The following IL10RA variants were observed in gnomAD, a reference collection of about 807,000 sequenced individuals.
IL10RA encodes the protein interleukin-10 receptor subunit alpha.
Under a neutral mutation model 29.6 loss-of-function variants are expected in IL10RA, and 18 were observed. The observed-to-expected ratio is 0.61, with a 90% CI of 0.42 to 0.90. The LOEUF (loss-of-function observed/expected upper bound fraction) is 0.90, where lower values mean the gene tolerates loss of function less well. Among genes scored for constraint, IL10RA ranks in the 40% least tolerant of loss-of-function variants. The pLI, the probability that IL10RA is intolerant of heterozygous loss-of-function variation, is 0.00. For synonymous variants in IL10RA, 292 were observed against 294.1 expected (o/e 0.99, Z 0.07); for missense variants, 634 against 716.6 (o/e 0.88, Z 1.32).
At chr11:117,987,468 A>AAC (rs774271205) in intron 1 of IL10RA, 41 of 155,886 alleles carry the variant, frequency 2.6e-4, no homozygotes, top group Admixed American at 5.0e-4. Context: ...GAGAAGTTAG[A>AAC]ACACTAGGGA....
At chr11:117,994,778 A>G (rs920269777) in intron 5 of IL10RA, among the ~76,000 whole-genome samples, 1 of 152,192 alleles carries the variant, frequency 6.6e-6, no homozygotes, top group African/African-American at 2.4e-5. Context: ...CCAATGAAAC[A>G]TGCCAACAGT....
At position 117,988,515 on chromosome 11, in the gene IL10RA, G is replaced by A. The variant is rs2058002507; in HGVS notation, c.188+13G>A. 1.2e-6 allele frequency: 2 copies of A among 1,613,962 alleles called. No homozygotes were observed. The highest frequency in any genetic ancestry group is 4.5e-5 in the East Asian group (2 of 44,878). ...TGGCGCTCCTGAGGTGAGGAAAAGG[G>A]AAGAGGGAGGGGGAGGGAGGAGTGA... On this transcript the variant is annotated intron_variant, in intron 2 of 6. Transcript: ENST00000227752.
intron 5 of IL10RA, chr11:117,994,864 C>T: frequency 6.4e-6 from 1 of 155,220 alleles, no homozygotes; most frequent in East Asian, 1.9e-4. Flanking sequence ...AGATCTGCAA[C>T]AAATTTCAGT....
chr11:117,988,668 A>AATGTGCC (rs1026046316), intron 2 of IL10RA, among the ~76,000 whole-genome samples, 166 bp downstream of exon 2: 1 of 152,146 alleles, frequency 6.6e-6, no homozygotes, highest in African/African-American at 2.4e-5. Context: ...CTTGCTGAGC[A>AATGTGCC]ATGTGCCGGG....
At position 117,999,516 on chromosome 11, in the gene IL10RA, G is replaced by A. The variant is rs983647239; in HGVS notation, c.1612G>A (p.Asp538Asn). The part of the protein sequence containing the change: ...LSSCSDLGIS[D>N]WSFAHDLAPL... ...CAGCTGCAGTGACCTGGGAATATCTGACTGGAGCTTTGCCCATGACCTTGC... is the reference window on the plus strand; with the variant it reads ...CAGCTGCAGTGACCTGGGAATATCTAACTGGAGCTTTGCCCATGACCTTGC... Residue 538 changes from aspartate to asparagine, a missense_variant, in exon 7 of 7, where the codon GAC becomes AAC. Transcript: ENST00000227752. 8 of 1,614,216 alleles carry A rather than the reference G, an allele frequency of 5.0e-6. No individual in the cohort carries two copies. Among genetic ancestry groups the A allele is most frequent in the Non-Finnish European group, 6.8e-6 (8 of 1,180,048 alleles).
rs949618924 is a variant in IL10RA at position 118,000,865 on chromosome 11, C to T, written c.*1224C>T. Reference sequence around the variant, plus strand: ...GGGAGTCCATGGTGTCATGCCAAGACAGTATCAGACACAGCCCCAGAAGGG... The same window carrying T: ...GGGAGTCCATGGTGTCATGCCAAGATAGTATCAGACACAGCCCCAGAAGGG... On this transcript the variant is annotated 3_prime_UTR_variant, in exon 7 of 7. Transcript: ENST00000227752. The T allele has an allele frequency of 4.8e-5, 22 of 454,152 alleles. No individual in the cohort carries two copies. Among genetic ancestry groups the T allele is most frequent in the Non-Finnish European group, 9.3e-5 (21 of 226,802 alleles). The allele number at this position is 454,152 out of a possible 1,614,324, so 28.1% of individuals were successfully genotyped here.
chr11:117,995,860 G>A, intron 6 of IL10RA, 150 bp downstream of exon 6: 1 of 848,252 alleles, frequency 1.2e-6, no homozygotes, highest in Non-Finnish European at 1.9e-6. Context: ...CCTTCATCAA[G>A]CGCTGTGGGG....
rs2058087362 is a variant in IL10RA, at chr11:118,000,328, T to C, written c.*687T>C. 6.6e-6 allele frequency: 3 copies of C among 454,164 alleles called. No individual in the cohort carries two copies. Among genetic ancestry groups the C allele is most frequent in the Non-Finnish European group, 1.3e-5 (3 of 226,768 alleles). 28.1% of individuals were successfully genotyped at this position (454,164 alleles called of 1,614,324 possible). Reference sequence around the variant, plus strand: ...GCTCAGAACCCATCCCTCTGGTGGGTACCTCTGGCACCCATCTGCAAATAT... The same window carrying C: ...GCTCAGAACCCATCCCTCTGGTGGGCACCTCTGGCACCCATCTGCAAATAT... On this transcript the variant is annotated 3_prime_UTR_variant, in exon 7 of 7. Coordinates refer to ENST00000227752, the MANE Select transcript of IL10RA (RefSeq NM_001558.4).
In IL10RA at chr11:117,989,371, T is replaced by C. The variant is rs182954496; in HGVS notation, c.189-71T>C. Reference sequence around the variant, plus strand: ...ATGTGGGAGCTCTCTTCCTGGCCTCTTGCGTCTCCCTTAAAGGAGGTAGGA... The same window carrying C: ...ATGTGGGAGCTCTCTTCCTGGCCTCCTGCGTCTCCCTTAAAGGAGGTAGGA... On this transcript the variant is annotated intron_variant, in intron 2 of 6. Coordinates refer to ENST00000227752, the MANE Select transcript of IL10RA (RefSeq NM_001558.4). The surrounding 1 kb of genome is among the most constrained non-coding windows in gnomAD (Gnocchi z 4.5). The C allele has an allele frequency of 2.6e-4, 362 of 1,407,638 alleles. 3 individuals are homozygous for C. The East Asian group carries it at 7.2e-3, about 28-fold the overall frequency. 87.2% of individuals were successfully genotyped at this position (1,407,638 alleles called of 1,614,324 possible). A position where few individuals can be genotyped will look rare whatever the true frequency, so the allele number is the denominator to read the frequency against.
rs777366229 is a variant in IL10RA at position 117,988,487 on chromosome 11, A to T, written c.173A>T (p.Glu58Val). ...AATCAGTCTGAAAGTACCTGCTATG[A>T]AGTGGCGCTCCTGAGGTGAGGAAAA... ...IPNQSESTCY[E>V]VALLRYGIES... is the part of the protein sequence containing the mutation. The change falls in exon 2 of 7, where the codon GAA becomes GTA. Residue 58 changes from glutamate (E) to valine (V), a missense_variant. Coordinates refer to ENST00000227752, the MANE Select transcript of IL10RA (RefSeq NM_001558.4). 3.7e-6 allele frequency: 6 copies of T among 1,614,124 alleles called. No homozygotes were observed. Among genetic ancestry groups the T allele is most frequent in the Non-Finnish European group, 5.1e-6 (6 of 1,179,980 alleles).
At position 117,999,204 on chromosome 11, in the gene IL10RA, G is replaced by C; in HGVS notation, c.1300G>C (p.Gly434Arg). Residue 434 changes from glycine to arginine, a missense_variant, in exon 7 of 7, where the codon GGG becomes CGG. Transcript: ENST00000227752. ...HHSPPEPEVP[G>R]EEDPAAVAFQ... ...CAGTCCCCCGGAGCCTGAGGTGCCT[G>C]GGGAAGAAGACCCAGCTGCTGTGGC... 3 of 1,614,250 alleles carry C rather than the reference G, an allele frequency of 1.9e-6. No individual in the cohort carries two copies. The highest frequency in any genetic ancestry group is 2.5e-6 in the Non-Finnish European group (3 of 1,180,048).
intron 3 of IL10RA, among the ~76,000 whole-genome samples, chr11:117,991,632 G>A (rs1018422324): frequency 6.6e-6 from 1 of 152,248 alleles, no homozygotes; most frequent in East Asian, 1.9e-4. Flanking sequence ...ATTCTACTTA[G>A]ATTCTATACA....
Position 118,001,172 on chromosome 11 carries a change from A to G in IL10RA, c.*1531A>G, listed in dbSNP as rs1168165055. 3 of 454,042 alleles carry G rather than the reference A, an allele frequency of 6.6e-6. No homozygotes were observed. The East Asian group carries it at 2.1e-4, about 31-fold the overall frequency. The allele number at this position is 454,042 out of a possible 1,614,324, so 28.1% of individuals were successfully genotyped here. A position where few individuals can be genotyped will look rare whatever the true frequency, so the allele number is the denominator to read the frequency against. ...GGGAGGATTCCTCAGGGTTCCCTTG[A>G]AAGCTTTATTTATTTATTTTGTTCA... On this transcript the variant is annotated 3_prime_UTR_variant, in exon 7 of 7. Coordinates refer to ENST00000227752, the MANE Select transcript of IL10RA (RefSeq NM_001558.4).
At chr11:117,987,102 T>C in intron 1 of IL10RA, 1 of 347,150 alleles carries the variant, frequency 2.9e-6, no homozygotes, top group Non-Finnish European at 5.7e-6. Context: ...CAGACAGTTC[T>C]CCGGCAAGGT....
At chr11:117,992,020 C>T (rs2058025835) in intron 3 of IL10RA, among the ~76,000 whole-genome samples, 1 of 152,212 alleles carries the variant, frequency 6.6e-6, no homozygotes, top group African/African-American at 2.4e-5. Flanking sequence ...CAGGCGTGAG[C>T]CACTGGGCCG....
chr11:117,999,318 G>A lies in IL10RA; in HGVS notation c.1414G>A (p.Gly472Ser), dbSNP rs138626531. ...CLEEESPLTD[G>S]LGPKFGRCLV... ...GGAGGAAGAATCGCCCTTGACAGATGGCCTTGGCCCCAAATTCGGGAGATG... is the reference window on the plus strand; with the variant it reads ...GGAGGAAGAATCGCCCTTGACAGATAGCCTTGGCCCCAAATTCGGGAGATG... The change falls in exon 7 of 7, where the codon GGC becomes AGC. Residue 472 changes from glycine to serine, a missense_variant. Physicochemically the swap from Gly to Ser is moderately conservative, Grantham distance 56 (BLOSUM62 0). Coordinates refer to ENST00000227752, the MANE Select transcript of IL10RA (RefSeq NM_001558.4). 29 of 1,614,116 alleles carry A rather than the reference G, an allele frequency of 1.8e-5. No homozygotes were observed. Among genetic ancestry groups the A allele is most frequent in the African/African-American group, 8.0e-5 (6 of 74,948 alleles).
chr11:117,994,618 C>T (rs890641279), intron 5 of IL10RA, among the ~76,000 whole-genome samples: 1 of 152,184 alleles, frequency 6.6e-6, no homozygotes, highest in African/African-American at 2.4e-5. Flanking sequence ...CAGTCAGGTG[C>T]CGGGGCTGTA....
intron 1 of IL10RA, chr11:117,986,931 C>T (rs936642723): frequency 2.2e-6 from 2 of 903,214 alleles, no homozygotes; most frequent in African/African-American, 3.4e-5. Context: ...TTCAACTAAC[C>T]TCTGTCTGTC....
chr11:117,992,976 C>A (rs2058033163), intron 3 of IL10RA: 2 of 491,396 alleles, frequency 4.1e-6, no homozygotes, highest in Non-Finnish European at 7.4e-6. Flanking sequence ...TGTTCTTGGC[C>A]CCTTTGTTGA....
Sources: gnomAD v4.1 joint callset for allele counts (sites outside exome capture counted in the v4.1 genomes callset) on GRCh38, gnomAD v4.1.1 for gene constraint, Gnocchi (gnomAD v3.1) non-coding constraint, MANE v1.5 for transcripts, NCBI Gene and HGNC (gene_info 2026-07-23, HGNC 2026-07-21) for gene names.